Variants in LMO3 observed in about 807,000 individuals in gnomAD.
LMO3 encodes LIM domain only protein 3.
A neutral mutation model predicts 15.8 loss-of-function variants in LMO3; 2 were observed. The observed-to-expected ratio is 0.13, with a 90% confidence interval of 0.05 to 0.40. The LOEUF is 0.40. Among genes scored for constraint, LMO3 ranks in the 10% least tolerant of loss-of-function variants. The pLI is 0.99. For missense variants in LMO3, 86 were observed against 182.2 expected, an observed-to-expected ratio of 0.47 and a Z score of 3.04; for synonymous variants, 62 against 63.8, an observed-to-expected ratio of 0.97 and a Z score of 0.13.
rs1285320874 is a variant in LMO3 at position 16,555,901 on chromosome 12, C to T, written c.332+4512G>A. On this transcript the variant is annotated intron_variant, in intron 3 of 3. Coordinates refer to ENST00000537304, the MANE Select transcript of LMO3 (RefSeq NM_018640.5). The surrounding 1 kb of genome is among the most constrained non-coding windows in gnomAD (Gnocchi z 5.5). ...TCTAGGGAGTTCTTTTTTCAAGACC[C>T]AGCATATCAGGCCTTTGATGCTTCC... Among the ~76,000 whole-genome samples, 1 of 152,078 alleles carries T rather than the reference C, an allele frequency of 6.6e-6. No homozygotes were observed. The highest frequency in any genetic ancestry group is 1.5e-5 in the Non-Finnish European group (1 of 68,014).
upstream of LMO3, chr12:16,608,745 CAG>C (rs763131624): frequency 3.3e-5 from 5 of 150,010 alleles, no homozygotes; most frequent in Admixed American, 1.3e-4. This position sits in a 1 kb window ranked among gnomAD's most constrained non-coding sequence, Gnocchi z 4.1. Flanking sequence ...GAGAGAGAGA[CAG>C]AGAGAGAGAG....
At position 16,589,987 on chromosome 12, in the gene LMO3, C is replaced by T. The variant is rs1340309127; in HGVS notation, c.206+10668G>A. 2.0e-5 allele frequency among the ~76,000 whole-genome samples: 3 copies of T among 152,174 alleles called. No individual in the cohort carries two copies. The highest frequency in any genetic ancestry group is 3.9e-4 in the East Asian group (2 of 5,170). On this transcript the variant is annotated intron_variant, in intron 2 of 3. Transcript: ENST00000537304. The surrounding 1 kb of genome is among the most constrained non-coding windows in gnomAD (Gnocchi z 4.2). ...ATGCCACCGTTTTTGAAAGCCCACCCATTCATCCTGTACCTCCTTATAAGA... is the reference window on the plus strand; with the variant it reads ...ATGCCACCGTTTTTGAAAGCCCACCTATTCATCCTGTACCTCCTTATAAGA...
Position 16,604,715 on chromosome 12 carries a change from G to T in LMO3, c.-9+1351C>A. On this transcript the variant is annotated intron_variant, in intron 1 of 3. Transcript: ENST00000537304. This position sits in a 1 kb window ranked among gnomAD's most constrained non-coding sequence, Gnocchi z 5.3. Reference sequence around the variant, plus strand: ...TTGTTGCATCTAGCAAGATTAATTGGTTTAAGCAGCAGTCTTTCAAAGCAG... The same window carrying T: ...TTGTTGCATCTAGCAAGATTAATTGTTTTAAGCAGCAGTCTTTCAAAGCAG... 1.2e-6 allele frequency: 1 copy of T among 830,226 alleles called. No individual in the cohort carries two copies. Among genetic ancestry groups the T allele is most frequent in the Non-Finnish European group, 1.9e-6 (1 of 518,780 alleles). 51.4% of individuals were successfully genotyped at this position (830,226 alleles called of 1,614,324 possible).
rs542253275 is a variant in LMO3, at chr12:16,550,375, C to T, written c.*847G>A. 1 of 152,326 alleles carries T rather than the reference C, an allele frequency of 6.6e-6. No homozygotes were observed. Among genetic ancestry groups the T allele is most frequent in the East Asian group, 1.9e-4 (1 of 5,174 alleles). 9.4% of individuals were successfully genotyped at this position (152,326 alleles called of 1,614,324 possible). ...CCTTTGGAAAAAATTTTACGTGATA[C>T]CCAAAGGCACTAGTTCACATAAGGG... On this transcript the variant is annotated 3_prime_UTR_variant, in exon 4 of 4. Coordinates refer to ENST00000537304, the MANE Select transcript of LMO3 (RefSeq NM_018640.5).
intron 2 of LMO3, among the ~76,000 whole-genome samples, chr12:16,588,642 A>G (rs560449488): frequency 1.4e-4 from 21 of 152,220 alleles, no homozygotes; most frequent in African/African-American, 5.1e-4. Flanking sequence ...TTAATTTAAC[A>G]ATCCATTCCA....
intron 2 of LMO3, among the ~76,000 whole-genome samples, chr12:16,588,038 C>T (rs536757263): frequency 1.3e-5 from 2 of 151,988 alleles, no homozygotes; most frequent in Non-Finnish European, 2.9e-5. Context: ...TTGGTATTTT[C>T]CCCCTTTTAT....
chr12:16,605,908 A>C, intron 1 of LMO3, 158 bp downstream of exon 1: 1 of 1,353,634 alleles, frequency 7.4e-7, no homozygotes, highest in Non-Finnish European at 1.0e-6. Flanking sequence ...AGCCCGAGTG[A>C]AAGTTGCAGT....
chr12:16,571,626 C>G (rs2137444498), intron 2 of LMO3, among the ~76,000 whole-genome samples: 1 of 152,036 alleles, frequency 6.6e-6, no homozygotes, highest in East Asian at 1.9e-4. Flanking sequence ...TATGGCAACC[C>G]TAGTAATAGC....
At position 16,548,929 on chromosome 12, in the gene LMO3, G is replaced by C. The variant is rs1941884535; in HGVS notation, c.*2293C>G. ...AGCATATTATGTAAAAGAAAAAGCAGTGAAAACCTTGTTTGGTCTTCCAGT... is the reference window on the plus strand; with the variant it reads ...AGCATATTATGTAAAAGAAAAAGCACTGAAAACCTTGTTTGGTCTTCCAGT... On this transcript the variant is annotated 3_prime_UTR_variant, in exon 4 of 4. Transcript: ENST00000537304. The surrounding 1 kb of genome is among the most constrained non-coding windows in gnomAD (Gnocchi z 4.2). The C allele has an allele frequency of 6.6e-6, 1 of 152,118 alleles. No homozygotes were observed. Among genetic ancestry groups the C allele is most frequent in the Non-Finnish European group, 1.5e-5 (1 of 68,016 alleles). The allele number at this position is 152,118 out of a possible 1,614,324, so 9.4% of individuals were successfully genotyped here. A position where few individuals can be genotyped will look rare whatever the true frequency, so the allele number is the denominator to read the frequency against.
chr12:16,569,124 T>C (rs1341812479), intron 2 of LMO3, among the ~76,000 whole-genome samples: 1 of 152,148 alleles, frequency 6.6e-6, no homozygotes, highest in East Asian at 1.9e-4. Context: ...CAACAATATG[T>C]AAAGAAAAAT....
chr12:16,569,509 CT>C (rs931943800), intron 2 of LMO3, among the ~76,000 whole-genome samples: 4 of 152,128 alleles, frequency 2.6e-5, no homozygotes, highest in African/African-American at 9.7e-5. Context: ...TTTCCAAAGC[CT>C]TACGAGCAGG....
intron 2 of LMO3, among the ~76,000 whole-genome samples, chr12:16,577,167 C>A (rs545507137): frequency 6.6e-6 from 1 of 152,202 alleles, no homozygotes; most frequent in East Asian, 1.9e-4. Flanking sequence ...ACCATCATTA[C>A]CCCATTACTC....
intron 2 of LMO3, among the ~76,000 whole-genome samples, chr12:16,577,807 T>C (rs999824188): frequency 3.9e-5 from 6 of 152,210 alleles, no homozygotes; most frequent in Admixed American, 3.3e-4. Flanking sequence ...CCATGATGGT[T>C]CTCTGGATCA....
Position 16,595,961 on chromosome 12 carries a change from GA to G in LMO3, c.206+4693del, listed in dbSNP as rs544032173. Among the ~76,000 whole-genome samples the G allele has an allele frequency of 1.5e-3, 225 of 151,442 alleles. 3 individuals carry two copies. The highest frequency in any genetic ancestry group is 5.2e-3 in the African/African-American group (215 of 41,468). ...AGATGACAATGAAAGAAAAAAGAAT[GA>G]ATATTGTATCAACATTAAAAAAGCA... is the stretch of plus-strand genomic sequence containing the variant. On this transcript the variant is annotated intron_variant, in intron 2 of 3. Coordinates refer to ENST00000537304, the MANE Select transcript of LMO3 (RefSeq NM_018640.5).
chr12:16,605,767 C>T, intron 1 of LMO3: 21 of 1,535,530 alleles, frequency 1.4e-5, no homozygotes, highest in South Asian at 2.4e-5. Context: ...TCGAGTCGTA[C>T]TTGAGACGTT....
At position 16,582,583 on chromosome 12, in the gene LMO3, G is replaced by C. The variant is rs1943194832; in HGVS notation, c.206+18072C>G. On this transcript the variant is annotated intron_variant, in intron 2 of 3. Transcript: ENST00000537304. The surrounding 1 kb of genome is among the most constrained non-coding windows in gnomAD (Gnocchi z 4.1). Reference sequence around the variant, plus strand: ...ATATACATTGCTTAAGCTTGTTGGAGAGTAATGGGCTACGGGTAGAGATTG... The same window carrying C: ...ATATACATTGCTTAAGCTTGTTGGACAGTAATGGGCTACGGGTAGAGATTG... Among the ~76,000 whole-genome samples the C allele has an allele frequency of 6.6e-6, 1 of 152,170 alleles. No homozygotes were observed. The highest frequency in any genetic ancestry group is 6.5e-5 in the Admixed American group (1 of 15,280).
intron 2 of LMO3, among the ~76,000 whole-genome samples, chr12:16,563,233 C>T (rs897221275): frequency 6.6e-6 from 1 of 152,082 alleles, no homozygotes; most frequent in Admixed American, 6.6e-5. Context: ...TACTGCAAAG[C>T]GATGCATTTG....
rs145327941 is a variant in LMO3 at position 16,587,501 on chromosome 12, G to A, written c.206+13154C>T. Reference sequence around the variant, plus strand: ...TTTGCCTACTACTAGCAAATAAACTGTGCCTCTTTTTTAAATAAACCCCTG... The same window carrying A: ...TTTGCCTACTACTAGCAAATAAACTATGCCTCTTTTTTAAATAAACCCCTG... On this transcript the variant is annotated intron_variant, in intron 2 of 3. Coordinates refer to ENST00000537304, the MANE Select transcript of LMO3 (RefSeq NM_018640.5). The surrounding 1 kb of genome is among the most constrained non-coding windows in gnomAD (Gnocchi z 4.3). Among the ~76,000 whole-genome samples, 1 of 152,070 alleles carries A rather than the reference G, an allele frequency of 6.6e-6. No individual in the cohort carries two copies. The highest frequency in any genetic ancestry group is 1.9e-4 in the East Asian group (1 of 5,170).
rs1018117968 is a variant in LMO3 at position 16,604,989 on chromosome 12, G to T, written c.-9+1077C>A. On this transcript the variant is annotated intron_variant, in intron 1 of 3. Transcript: ENST00000537304. This position sits in a 1 kb window ranked among gnomAD's most constrained non-coding sequence, Gnocchi z 5.3. ...GTCTCCTTGATTTCGCTTAAGTGTG[G>T]ACCTGGTGCGCAGCCTACACCGCCG... 1 of 1,595,954 alleles carries T rather than the reference G, an allele frequency of 6.3e-7. No homozygotes were observed. The highest frequency in any genetic ancestry group is 1.3e-5 in the African/African-American group (1 of 74,932).
Sources: gnomAD v4.1 joint callset for allele counts (sites outside exome capture counted in the v4.1 genomes callset) on GRCh38, gnomAD v4.1.1 for gene constraint, Gnocchi (gnomAD v3.1) non-coding constraint, MANE v1.5 for transcripts, NCBI Gene and HGNC (gene_info 2026-07-23, HGNC 2026-07-21) for gene names.